The following NSMCE2 variants were observed in gnomAD, a reference collection of about 807,000 sequenced individuals.
NSMCE2 encodes NSE2 SUMO ligase component of SMC5/6 complex, also known as E3 SUMO-protein ligase NSE2.
In NSMCE2, 24 loss-of-function variants were observed where a neutral mutation model predicts 23.8. That is an observed-to-expected ratio of 1.01 (90% CI 0.73 to 1.42). The LOEUF (loss-of-function observed/expected upper bound fraction) is 1.42, where lower values mean the gene tolerates loss of function less well. Ranked by LOEUF, NSMCE2 falls within the 40% of genes most tolerant of loss-of-function variation. NSMCE2 has a pLI of 0.00. For synonymous variants in NSMCE2, 92 were observed against 94.1 expected (o/e 0.98, Z 0.13); for missense variants, 284 against 296.5 (o/e 0.96, Z 0.31).
intron 4 of NSMCE2, among the ~76,000 whole-genome samples, chr8:125,160,226 G>A (rs1431762094): frequency 6.6e-6 from 1 of 152,120 alleles, no homozygotes; most frequent in East Asian, 1.9e-4. Flanking sequence ...TTTCATTAAG[G>A]ATGAAAGTGA....
intron 5 of NSMCE2, among the ~76,000 whole-genome samples, chr8:125,330,181 C>CTTT (rs796167561): frequency 3.7e-5 from 5 of 136,604 alleles, no homozygotes; most frequent in African/African-American, 8.2e-5. Context: ...TTTTTTCTTT[C>CTTT]TTTTTTTTTT....
At chr8:125,362,919 A>C (rs1312314157) in intron 7 of NSMCE2, 1 of 152,076 alleles carries the variant, frequency 6.6e-6, no homozygotes, top group Non-Finnish European at 1.5e-5. Flanking sequence ...ACTGACTAAA[A>C]CCATGATGTC....
intron 5 of NSMCE2, among the ~76,000 whole-genome samples, chr8:125,200,759 G>C: frequency 6.6e-6 from 1 of 152,200 alleles, no homozygotes; most frequent in Non-Finnish European, 1.5e-5. Context: ...ATAATATCCT[G>C]AAGAGTTTTT....
At chr8:125,257,674 C>T (rs938863340) in intron 5 of NSMCE2, among the ~76,000 whole-genome samples, 17 of 152,008 alleles carry the variant, frequency 1.1e-4, no homozygotes, top group Non-Finnish European at 8.8e-5. Context: ...GCTGGGACTA[C>T]AGGCGCTCAC....
chr8:125,363,911 A>G (rs1405241900), intron 7 of NSMCE2, among the ~76,000 whole-genome samples: 1 of 152,094 alleles, frequency 6.6e-6, no homozygotes, highest in East Asian at 1.9e-4. Flanking sequence ...TTAACACATC[A>G]TGTACCTGAG....
chr8:125,334,495 G>A (rs1830000855), intron 5 of NSMCE2, among the ~76,000 whole-genome samples: 2 of 152,148 alleles, frequency 1.3e-5, no homozygotes, highest in Admixed American at 6.5e-5. Context: ...GAGGACCGAA[G>A]TGCTGCAGCT....
At chr8:125,319,254 G>A (rs1829792634) in intron 5 of NSMCE2, among the ~76,000 whole-genome samples, 3 of 151,934 alleles carry the variant, frequency 2.0e-5, no homozygotes, top group African/African-American at 7.3e-5. Context: ...CTGCATCCAA[G>A]AACAAAACTC....
At chr8:125,228,402 G>A (rs1825188504) in intron 5 of NSMCE2, among the ~76,000 whole-genome samples, 2 of 152,168 alleles carry the variant, frequency 1.3e-5, no homozygotes, top group Non-Finnish European at 1.5e-5. Context: ...GGTAACATAT[G>A]TAAATATGTG....
intron 5 of NSMCE2, among the ~76,000 whole-genome samples, chr8:125,240,714 A>ATTT (rs145704600): frequency 2.7e-5 from 4 of 149,102 alleles, no homozygotes; most frequent in Non-Finnish European, 6.0e-5. Context: ...TGTAATGGTT[A>ATTT]TTTTTTTTTT....
At chr8:125,271,142 T>C (rs1429555036) in intron 5 of NSMCE2, among the ~76,000 whole-genome samples, 4 of 151,582 alleles carry the variant, frequency 2.6e-5, no homozygotes, top group Non-Finnish European at 5.9e-5. Context: ...GCACCTATAA[T>C]CCCAGCTACT....
intron 3 of NSMCE2, among the ~76,000 whole-genome samples, chr8:125,139,143 CCAAA>C (rs1820224525): frequency 6.6e-6 from 1 of 152,216 alleles, no homozygotes; most frequent in Admixed American, 6.5e-5. Flanking sequence ...ACACTAAGAG[CCAAA>C]CAAATTCCAG....
At chr8:125,185,526 G>A (rs1011455706) in intron 5 of NSMCE2, among the ~76,000 whole-genome samples, 4 of 152,056 alleles carry the variant, frequency 2.6e-5, no homozygotes, top group Non-Finnish European at 4.4e-5. Context: ...GGCCGGTCTT[G>A]AACTCCTGAC....
At chr8:125,226,990 C>T (rs1166016429) in intron 5 of NSMCE2, among the ~76,000 whole-genome samples, 1 of 152,104 alleles carries the variant, frequency 6.6e-6, no homozygotes, top group Non-Finnish European at 1.5e-5. Flanking sequence ...TTAGTTGCCC[C>T]AGCCCCCTTT....
chr8:125,362,181 G>A (rs554149714), intron 7 of NSMCE2, among the ~76,000 whole-genome samples: 1 of 152,224 alleles, frequency 6.6e-6, no homozygotes, highest in South Asian at 2.1e-4. Context: ...CACTGAACTC[G>A]CTCACCAAGA....
At chr8:125,296,686 G>C (rs368910356) in intron 5 of NSMCE2, among the ~76,000 whole-genome samples, 1 of 152,062 alleles carries the variant, frequency 6.6e-6, no homozygotes, top group Admixed American at 6.6e-5. Context: ...GTGAGTCACC[G>C]CACCCGGCCT....
At chr8:125,117,825 T>G (rs1182538096) in intron 3 of NSMCE2, among the ~76,000 whole-genome samples, 1 of 152,234 alleles carries the variant, frequency 6.6e-6, no homozygotes, top group Non-Finnish European at 1.5e-5. Flanking sequence ...CTTTAATGCC[T>G]ATTAGGTGTT....
rs190971549 is a variant in NSMCE2 at position 125,138,457 on chromosome 8, C to T, written c.158-12714C>T. ...CCCAGGCTGGTCTCGAACTTCTGGCCTGAAGTGATCCTCCTGCCTTGGCTT... is the reference window on the plus strand; with the variant it reads ...CCCAGGCTGGTCTCGAACTTCTGGCTTGAAGTGATCCTCCTGCCTTGGCTT... On this transcript the variant is annotated intron_variant, in intron 3 of 7. Transcript: ENST00000287437. Among the ~76,000 whole-genome samples the T allele has an allele frequency of 2.9e-4, 44 of 152,078 alleles. No individual in the cohort carries two copies. The South Asian group carries it at 3.5e-3, about 12-fold the overall frequency.
intron 7 of NSMCE2, 120 bp downstream of exon 7, chr8:125,357,938 A>G (rs1813356659): frequency 1.5e-6 from 1 of 689,250 alleles, no homozygotes; most frequent in Non-Finnish European, 2.6e-6. Context: ...CACCTCCCGA[A>G]TACTGTAAAC....
intron 4 of NSMCE2, among the ~76,000 whole-genome samples, chr8:125,173,288 G>A (rs2130775325): frequency 6.6e-6 from 1 of 152,312 alleles, no homozygotes; most frequent in African/African-American, 2.4e-5. Context: ...GAGTCGCAGT[G>A]ATGGGGGAAT....
Sources: allele counts gnomAD v4.1 joint callset (sites outside exome capture counted in the v4.1 genomes callset), GRCh38; gene constraint gnomAD v4.1.1; transcripts MANE v1.5; gene names NCBI Gene and HGNC (gene_info 2026-07-23, HGNC 2026-07-21).